The following STK3 variants were observed in gnomAD, a reference collection of about 807,000 sequenced individuals.
STK3 encodes serine/threonine-protein kinase 3.
A neutral mutation model predicts 58.0 loss-of-function variants in STK3; 41 were observed. That is an observed-to-expected ratio of 0.71 (90% CI 0.55 to 0.92). STK3 has a LOEUF of 0.92. Ranked by LOEUF, STK3 falls within the 40% of genes least tolerant of loss-of-function variation. The probability of loss-of-function intolerance (pLI) is 0.00; values close to 1 mark genes in which losing one functional copy is unlikely to be tolerated. For missense variants in STK3, 479 were observed against 602.7 expected (o/e 0.79, Z 2.15); for synonymous variants, 170 against 191.0 (o/e 0.89, Z 0.91).
intron 3 of STK3, chr8:98,430,329 G>A (rs530469782): frequency 1.2e-5 from 2 of 167,174 alleles, no homozygotes; most frequent in African/African-American, 4.8e-5. Context: ...CTGTGTCTAA[G>A]ATATTAGCAT....
chr8:98,552,545 C>T (rs995857269), intron 8 of STK3, among the ~76,000 whole-genome samples: 1 of 152,106 alleles, frequency 6.6e-6, no homozygotes, highest in Non-Finnish European at 1.5e-5. Context: ...TTTAAATTGG[C>T]TGATCTCTCA....
At chr8:98,500,977 A>T (rs907189742) in intron 10 of STK3, among the ~76,000 whole-genome samples, 2 of 152,216 alleles carry the variant, frequency 1.3e-5, no homozygotes, top group Admixed American at 1.3e-4. Flanking sequence ...TCCTTGAGGA[A>T]TCGCCACACT....
chr8:98,347,677 A>G, the STK3 span, among the ~76,000 whole-genome samples: 1 of 152,228 alleles, frequency 6.6e-6, no homozygotes, highest in Non-Finnish European at 1.5e-5. Context: ...AAATGTTGAA[A>G]CAATCTCAAT....
rs148651930 is a variant in STK3 at position 98,503,142 on chromosome 8, T to C, written c.1317+23600A>G. On this transcript the variant is annotated intron_variant, in intron 10 of 10. Transcript: ENST00000419617. Reference sequence around the variant, plus strand: ...CTGGTTTTTTGGTCTTGGGAGCATGTATGTGTCCAGTAATTTATCCATTTC... The same window carrying C: ...CTGGTTTTTTGGTCTTGGGAGCATGCATGTGTCCAGTAATTTATCCATTTC... Among the ~76,000 whole-genome samples the C allele has an allele frequency of 7.4e-3, 1,132 of 152,310 alleles. 8 individuals carry two copies. The highest frequency in any genetic ancestry group is 0.026 in the African/African-American group (1,061 of 41,554).
downstream of STK3, among the ~76,000 whole-genome samples, chr8:98,451,618 T>C (rs1414803183): frequency 6.6e-6 from 1 of 152,190 alleles, no homozygotes; most frequent in African/African-American, 2.4e-5. Flanking sequence ...TTTTCCAAGA[T>C]TGGTGGAAGA....
chr8:98,476,250 C>T (rs1004914311), intron 10 of STK3, among the ~76,000 whole-genome samples: 7 of 152,202 alleles, frequency 4.6e-5, no homozygotes, highest in African/African-American at 1.7e-4. Context: ...GATTTGCTTA[C>T]AGATATGAAA....
chr8:98,477,859 G>A (rs183478903), intron 10 of STK3, among the ~76,000 whole-genome samples: 20 of 152,104 alleles, frequency 1.3e-4, no homozygotes, highest in Admixed American at 5.9e-4. Context: ...TTGGTTGTGA[G>A]GGGCTGTCCT....
intron 9 of STK3, among the ~76,000 whole-genome samples, chr8:98,535,245 C>T (rs1586802543): frequency 6.6e-6 from 1 of 152,286 alleles, no homozygotes; most frequent in South Asian, 2.1e-4. Flanking sequence ...AAAGGTTTCA[C>T]TGAAGCGTAT....
chr8:98,852,080 C>A (rs573988779), intron 3 of STK3, among the ~76,000 whole-genome samples: 17 of 151,042 alleles, frequency 1.1e-4, no homozygotes, highest in African/African-American at 3.9e-4. Flanking sequence ...CATTCAGCTA[C>A]ATCTCTTAGA....
chr8:98,415,533 G>A (rs923223232), intron 3 of STK3, among the ~76,000 whole-genome samples: 1 of 152,140 alleles, frequency 6.6e-6, no homozygotes, highest in African/African-American at 2.4e-5. Flanking sequence ...TCCCTCCTAA[G>A]AGTCTGCTTC....
intron 1 of STK3, among the ~76,000 whole-genome samples, chr8:98,938,449 T>C (rs1185787487): frequency 6.6e-6 from 1 of 152,220 alleles, no homozygotes; most frequent in Non-Finnish European, 1.5e-5. Context: ...GACTATTTTA[T>C]ACTCCCTCAA....
chr8:98,694,089 C>T (rs935720758), intron 6 of STK3, among the ~76,000 whole-genome samples: 4 of 152,108 alleles, frequency 2.6e-5, no homozygotes, highest in Admixed American at 6.5e-5. Context: ...GATCTTCTAA[C>T]CCATGTCTGT....
intron 3 of STK3, among the ~76,000 whole-genome samples, chr8:98,833,915 G>C (rs953703193): frequency 1.2e-4 from 18 of 152,080 alleles, no homozygotes; most frequent in African/African-American, 4.1e-4. Flanking sequence ...GTTTAGAGTT[G>C]AGGCTGGGAC....
chr8:98,798,528 G>T (rs1360049072), intron 1 of STK3, among the ~76,000 whole-genome samples: 1 of 152,170 alleles, frequency 6.6e-6, no homozygotes, highest in African/African-American at 2.4e-5. Context: ...TGGAGAACAA[G>T]TTACCCACAA....
chr8:98,903,556 CCTT>C lies in STK3; in HGVS notation c.-78-19725_-78-19723del, dbSNP rs1463630410. 2.9e-3 allele frequency among the ~76,000 whole-genome samples: 148 copies of C among 50,510 alleles called. 8 individuals carry two copies. Among genetic ancestry groups the C allele is most frequent in the African/African-American group, 7.1e-3 (104 of 14,654 alleles). The allele number at this position is 50,510 out of a possible 152,430, so 33.1% of individuals were successfully genotyped here. On this transcript the variant is annotated intron_variant, in intron 1 of 1. Transcript: ENST00000519420. ...TCTTCTTCTTCTTCTTCTTCTTCTT[CCTT>C]TTTTTTTTTTTAAGTGGGGCCTTGC... is the stretch of plus-strand genomic sequence containing the variant.
chr8:98,544,090 C>T (rs543809684), intron 9 of STK3, among the ~76,000 whole-genome samples: 23 of 150,204 alleles, frequency 1.5e-4, no homozygotes, highest in African/African-American at 4.4e-4. Context: ...TTAGAACATA[C>T]GAGAGTGGCA....
At chr8:98,608,572 G>A (rs533724973) in intron 6 of STK3, among the ~76,000 whole-genome samples, 6 of 152,182 alleles carry the variant, frequency 3.9e-5, no homozygotes, top group African/African-American at 1.4e-4. Flanking sequence ...TTTTTTCTAA[G>A]TAACTGTATT....
chr8:98,834,072 T>C (rs919253405), intron 3 of STK3, among the ~76,000 whole-genome samples: 1 of 152,206 alleles, frequency 6.6e-6, no homozygotes, highest in Non-Finnish European at 1.5e-5. Flanking sequence ...ACCACCTGTT[T>C]AGCTATGTAT....
intron 6 of STK3, among the ~76,000 whole-genome samples, chr8:98,654,126 T>C (rs1821245164): frequency 6.6e-6 from 1 of 152,172 alleles, no homozygotes; most frequent in Non-Finnish European, 1.5e-5. Flanking sequence ...ATCAAAAAGC[T>C]TATCCACCAT....
Sources: gnomAD v4.1 joint callset for allele counts (sites outside exome capture counted in the v4.1 genomes callset) on GRCh38, gnomAD v4.1.1 for gene constraint, MANE v1.5 for transcripts, NCBI Gene and HGNC (gene_info 2026-07-23, HGNC 2026-07-21) for gene names.